ACTN1: variants seen among roughly 807,000 people sequenced by gnomAD.
ACTN1 encodes alpha-actinin-1.
Under a neutral mutation model 119.6 loss-of-function variants are expected in ACTN1, and 30 were observed. The observed-to-expected ratio is 0.25, with a 90% CI of 0.19 to 0.34. The LOEUF (loss-of-function observed/expected upper bound fraction) is 0.34. ACTN1 is among the 10% of genes least tolerant of loss of function. The pLI, the probability that ACTN1 is intolerant of heterozygous loss-of-function variation, is 1.00. For synonymous variants in ACTN1, 429 were observed against 472.6 expected (o/e 0.91, Z 1.20); for missense variants, 764 against 1,223.4 (o/e 0.62, Z 5.60).
Position 68,901,341 on chromosome 14 carries a change from G to A in ACTN1, c.762+1136C>T, listed in dbSNP as rs561107623. ...TGGCTCACTGCAACCTCCACCTCTC[G>A]GGTTCAAGCGATTCTCTGGTCTCAG... is the stretch of plus-strand genomic sequence containing the variant. On this transcript the variant is annotated intron_variant, in intron 8 of 21. Transcript: ENST00000394419. Among the ~76,000 whole-genome samples, 446 of 147,408 alleles carry A rather than the reference G, an allele frequency of 3.0e-3. 2 individuals are homozygous for A. The highest frequency in any genetic ancestry group is 1.0e-2 in the African/African-American group (397 of 39,770).
chr14:68,891,041 C>A (rs1318015259), intron 10 of ACTN1, among the ~76,000 whole-genome samples: 1 of 152,214 alleles, frequency 6.6e-6, no homozygotes, highest in African/African-American at 2.4e-5. Flanking sequence ...ACTGATTCAG[C>A]CTTGGAGCCC....
chr14:68,899,020 G>C (rs1419125342), intron 8 of ACTN1, among the ~76,000 whole-genome samples: 29 of 103,930 alleles, frequency 2.8e-4, no homozygotes, highest in African/African-American at 1.2e-3. Context: ...CACACCCACA[G>C]CACACCACAC....
At chr14:68,895,161 G>A (rs577155113) in intron 8 of ACTN1, among the ~76,000 whole-genome samples, 4 of 152,120 alleles carry the variant, frequency 2.6e-5, no homozygotes, top group Admixed American at 2.6e-4. Flanking sequence ...GGAGAAGGTG[G>A]GAATGGCCAG....
chr14:68,897,472 A>C (rs1212153001), intron 8 of ACTN1, among the ~76,000 whole-genome samples: 1 of 151,744 alleles, frequency 6.6e-6, no homozygotes, highest in East Asian at 1.9e-4. Flanking sequence ...CCAAACTGCT[A>C]CCCTAATAAT....
intron 1 of ACTN1, chr14:68,974,101 G>C (rs1042494718): frequency 6.5e-6 from 1 of 152,766 alleles, no homozygotes; most frequent in Admixed American, 6.5e-5. Flanking sequence ...TCCATACCAA[G>C]TCCAGGAAAA....
intron 3 of ACTN1, 109 bp from the exon 4 acceptor site, chr14:68,912,351 C>T: frequency 2.4e-6 from 2 of 848,872 alleles, no homozygotes; most frequent in African/African-American, 1.7e-5. Flanking sequence ...TCAAAAGACT[C>T]CAGAGCTCTA....
At chr14:68,942,378 CA>C (rs35794383) in intron 1 of ACTN1, among the ~76,000 whole-genome samples, 94,748 of 150,162 alleles carry the variant, frequency 0.63, 30,986 homozygotes, top group African/African-American at 0.8. Context: ...GACCCCAGCT[CA>C]AAAAAAAAAG....
intron 1 of ACTN1, chr14:68,978,506 C>A (rs1039778311): frequency 1.9e-4 from 57 of 307,532 alleles, no homozygotes; most frequent in Middle Eastern, 2.4e-3. Context: ...CCAGGGCGGC[C>A]CAGGAAGCGG....
chr14:68,882,728 A>C lies in ACTN1; in HGVS notation c.1819-136T>G. On this transcript the variant is annotated intron_variant, in intron 15 of 21. Transcript: ENST00000394419. This position sits in a 1 kb window ranked among gnomAD's most constrained non-coding sequence, Gnocchi z 4.5. ...GAGTAAAGGTGTCAACCTGTTCTGG[A>C]AACCCAGTCATTTGACATTTGGACA... 1 of 1,508,250 alleles carries C rather than the reference A, an allele frequency of 6.6e-7. No homozygotes were observed. The highest frequency in any genetic ancestry group is 1.4e-5 in the African/African-American group (1 of 72,896). The allele number at this position is 1,508,250 out of a possible 1,614,324, so 93.4% of individuals were successfully genotyped here. A position where few individuals can be genotyped will look rare whatever the true frequency, so the allele number is the denominator to read the frequency against.
At chr14:68,971,596 C>A (rs1334764306) in intron 1 of ACTN1, among the ~76,000 whole-genome samples, 1 of 152,232 alleles carries the variant, frequency 6.6e-6, no homozygotes, top group Non-Finnish European at 1.5e-5. Flanking sequence ...GGATCTTCAT[C>A]TATGAAGTGT....
intron 1 of ACTN1, among the ~76,000 whole-genome samples, chr14:68,943,315 C>G (rs923489989): frequency 6.6e-6 from 1 of 152,200 alleles, no homozygotes; most frequent in African/African-American, 2.4e-5. Context: ...CAGCTGCAAG[C>G]AGATCTGTCC....
chr14:68,879,197 G>T lies in ACTN1; in HGVS notation c.2281-128C>A, dbSNP rs2031250905. ...GGGACAGGCATGCGGAGGGAGGGTG[G>T]GGGGGCGGGGGAGGAGGGGAAATAA... On this transcript the variant is annotated intron_variant, in intron 18 of 21. Coordinates refer to ENST00000394419, the MANE Select transcript of ACTN1 (RefSeq NM_001130004.2). This position sits in a 1 kb window ranked among gnomAD's most constrained non-coding sequence, Gnocchi z 4.9. 1 of 300,906 alleles carries T rather than the reference G, an allele frequency of 3.3e-6. No homozygotes were observed. The highest frequency in any genetic ancestry group is 2.3e-5 in the African/African-American group (1 of 42,720). 18.6% of individuals were successfully genotyped at this position (300,906 alleles called of 1,614,324 possible).
chr14:68,888,552 C>T (rs1311920496), intron 11 of ACTN1, among the ~76,000 whole-genome samples: 1 of 152,144 alleles, frequency 6.6e-6, no homozygotes, highest in East Asian at 1.9e-4. Flanking sequence ...CTAGAGCCAA[C>T]CCCCCTTAGC....
In ACTN1 at chr14:68,887,463, G is replaced by C. The variant is rs199501966; in HGVS notation, c.1235-1888C>G. The C allele has an allele frequency of 1.2e-4, 119 of 1,034,490 alleles. No homozygotes were observed. The Middle Eastern group carries it at 1.6e-3, about 14-fold the overall frequency. 64.1% of individuals were successfully genotyped at this position (1,034,490 alleles called of 1,614,324 possible). A position where few individuals can be genotyped will look rare whatever the true frequency, so the allele number is the denominator to read the frequency against. ...CTGACTCCATATTGCCATTTAATAT[G>C]CTTTGTATTATAGGATATAAAAACT... On this transcript the variant is annotated intron_variant, in intron 11 of 21. Coordinates refer to ENST00000394419, the MANE Select transcript of ACTN1 (RefSeq NM_001130004.2).
intron 1 of ACTN1, among the ~76,000 whole-genome samples, chr14:68,976,739 C>T (rs910433982): frequency 4.6e-5 from 7 of 152,360 alleles, no homozygotes; most frequent in African/African-American, 1.7e-4. Context: ...CCACCAAACA[C>T]AGTCTGGACT....
At chr14:68,922,884 AC>A (rs2034725289) in intron 2 of ACTN1, among the ~76,000 whole-genome samples, 2 of 151,494 alleles carry the variant, frequency 1.3e-5, no homozygotes, top group South Asian at 4.2e-4. Flanking sequence ...CACTTTGAGA[AC>A]CTCTGTAGGC....
intron 1 of ACTN1, among the ~76,000 whole-genome samples, chr14:68,926,622 A>G (rs4902675): frequency 0.027 from 4,058 of 152,272 alleles, 192 homozygotes; most frequent in African/African-American, 0.091. Context: ...CATGGGGCTC[A>G]CCCAACACCA....
Position 68,882,731 on chromosome 14 carries a change from C to T in ACTN1, c.1819-139G>A, listed in dbSNP as rs1347427929. 2.0e-6 allele frequency: 3 copies of T among 1,508,798 alleles called. No individual in the cohort carries two copies. Among genetic ancestry groups the T allele is most frequent in the South Asian group, 2.5e-5 (2 of 80,362 alleles). The allele number at this position is 1,508,798 out of a possible 1,614,324, so 93.5% of individuals were successfully genotyped here. On this transcript the variant is annotated intron_variant, in intron 15 of 21. Transcript: ENST00000394419. The surrounding 1 kb of genome is among the most constrained non-coding windows in gnomAD (Gnocchi z 4.5). ...TAAAGGTGTCAACCTGTTCTGGAAA[C>T]CCAGTCATTTGACATTTGGACAAAC... is the stretch of plus-strand genomic sequence containing the variant.
intron 1 of ACTN1, among the ~76,000 whole-genome samples, chr14:68,944,131 C>T (rs1430318598): frequency 6.6e-6 from 1 of 152,206 alleles, no homozygotes; most frequent in Non-Finnish European, 1.5e-5. Context: ...ACCTGCTGGC[C>T]CCCTGGGGAT....
Sources: gnomAD v4.1 joint callset for allele counts (sites outside exome capture counted in the v4.1 genomes callset) on GRCh38, gnomAD v4.1.1 for gene constraint, Gnocchi (gnomAD v3.1) non-coding constraint, MANE v1.5 for transcripts, NCBI Gene and HGNC (gene_info 2026-07-23, HGNC 2026-07-21) for gene names.